The following SSH1 variants were observed in gnomAD, a reference collection of about 807,000 sequenced individuals.
SSH1 encodes slingshot protein phosphatase 1, also known as protein phosphatase Slingshot homolog 1.
SSH1 carries 43 observed loss-of-function variants against 79.7 expected under a neutral mutation model. The ratio of observed to expected loss-of-function variants is 0.54; its 90% confidence interval spans 0.42 to 0.70. SSH1 has a LOEUF of 0.70. Ranked by LOEUF, SSH1 falls within the 30% of genes least tolerant of loss-of-function variation. SSH1 has a pLI of 0.00. For synonymous variants in SSH1, 599 were observed against 538.3 expected, an observed-to-expected ratio of 1.11 and a Z score of -1.56; for missense variants, 1,206 against 1,358.8, an observed-to-expected ratio of 0.89 and a Z score of 1.77.
intron 12 of SSH1, among the ~76,000 whole-genome samples, chr12:108,800,565 A>C (rs2036947013): frequency 6.6e-6 from 1 of 152,138 alleles, no homozygotes; most frequent in Admixed American, 6.5e-5. Flanking sequence ...GAGAGGACCA[A>C]CCACTTTTCT....
chr12:108,816,148 C>T (rs1168738151), intron 5 of SSH1, among the ~76,000 whole-genome samples: 1 of 152,168 alleles, frequency 6.6e-6, no homozygotes, highest in African/African-American at 2.4e-5. Context: ...TCTCAACAGT[C>T]ACCCCCTCCT....
At chr12:108,840,782 C>T (rs1159751404) in intron 2 of SSH1, among the ~76,000 whole-genome samples, 2 of 152,318 alleles carry the variant, frequency 1.3e-5, no homozygotes, top group East Asian at 3.9e-4. Context: ...TATGGCTCTG[C>T]TCCTGGGGGC....
rs1326527106 is a variant in SSH1, at chr12:108,784,137, C to G, written c.*3851G>C. On this transcript the variant is annotated 3_prime_UTR_variant, in exon 15 of 15. Transcript: ENST00000326495. Reference sequence around the variant, plus strand: ...ATAGGATCTTGACTAAATTATGTAGCATTTGTTCCCACTAGAGAGAAAAGG... The same window carrying G: ...ATAGGATCTTGACTAAATTATGTAGGATTTGTTCCCACTAGAGAGAAAAGG... 2.0e-5 allele frequency: 3 copies of G among 152,208 alleles called. No homozygotes were observed. Among genetic ancestry groups the G allele is most frequent in the Admixed American group, 2.0e-4 (3 of 15,286 alleles). The allele number at this position is 152,208 out of a possible 1,614,324, so 9.4% of individuals were successfully genotyped here. A position where few individuals can be genotyped will look rare whatever the true frequency, so the allele number is the denominator to read the frequency against.
chr12:108,802,676 C>T (rs976516410), intron 10 of SSH1, among the ~76,000 whole-genome samples: 5 of 151,874 alleles, frequency 3.3e-5, no homozygotes, highest in Non-Finnish European at 7.4e-5. Context: ...TCCTAAGAGT[C>T]CAGTGGGGGG....
chr12:108,846,739 A>G (rs1370811701), intron 2 of SSH1, among the ~76,000 whole-genome samples: 3 of 152,206 alleles, frequency 2.0e-5, no homozygotes, highest in Non-Finnish European at 4.4e-5. Flanking sequence ...CTTCAAGTCA[A>G]AGGGCATCCA....
intron 2 of SSH1, among the ~76,000 whole-genome samples, chr12:108,828,064 A>G (rs943903331): frequency 6.6e-6 from 1 of 152,170 alleles, no homozygotes; most frequent in Non-Finnish European, 1.5e-5. Flanking sequence ...CGTTTCTTTC[A>G]GTGAGAGAAA....
intron 2 of SSH1, among the ~76,000 whole-genome samples, chr12:108,840,903 AC>A (rs2038760913): frequency 6.6e-6 from 1 of 152,190 alleles, no homozygotes; most frequent in African/African-American, 2.4e-5. Flanking sequence ...CATAGCCCTG[AC>A]CCAGCTAGAC....
rs79776376 is a variant in SSH1 at position 108,804,975 on chromosome 12, C to T, written c.954+81G>A. 414 of 1,564,058 alleles carry T rather than the reference C, an allele frequency of 2.6e-4. 2 individuals carry two copies. The East Asian group carries it at 8.3e-3, about 31-fold the overall frequency. ...CAAGTTTTTTGCCTGCTTTTTCTCCCGGACTTGCTACAAACTCTTAAACAA... is the reference window on the plus strand; with the variant it reads ...CAAGTTTTTTGCCTGCTTTTTCTCCTGGACTTGCTACAAACTCTTAAACAA... On this transcript the variant is annotated intron_variant, in intron 10 of 14. Transcript: ENST00000326495.
At chr12:108,815,846 C>T (rs753236499) in intron 5 of SSH1, among the ~76,000 whole-genome samples, 1 of 152,176 alleles carries the variant, frequency 6.6e-6, no homozygotes, top group Non-Finnish European at 1.5e-5. Flanking sequence ...GGGGTGGGGG[C>T]CATGTCATAA....
At chr12:108,843,016 A>G (rs1307558732) in intron 2 of SSH1, among the ~76,000 whole-genome samples, 2 of 152,118 alleles carry the variant, frequency 1.3e-5, no homozygotes, top group Non-Finnish European at 2.9e-5. Context: ...GGCACTTACC[A>G]ACACACGATT....
chr12:108,817,809 T>A (rs1043725028), intron 4 of SSH1, among the ~76,000 whole-genome samples: 1 of 152,264 alleles, frequency 6.6e-6, no homozygotes, highest in African/African-American at 2.4e-5. Context: ...TCAACCTGGC[T>A]TTGGCTTTAG....
intron 7 of SSH1, 81 bp downstream of exon 7, chr12:108,809,612 T>C: frequency 2.5e-6 from 3 of 1,204,440 alleles, no homozygotes; most frequent in South Asian, 2.4e-5. Context: ...ACGAGCTTCT[T>C]GGTAGAAGGG....
intron 2 of SSH1, among the ~76,000 whole-genome samples, chr12:108,833,462 G>A (rs569170098): frequency 1.3e-5 from 2 of 152,274 alleles, no homozygotes; most frequent in South Asian, 2.1e-4. Flanking sequence ...AGATTATCCC[G>A]ACTGTCCCAG....
chr12:108,819,982 G>A (rs958585199), intron 3 of SSH1, among the ~76,000 whole-genome samples: 4 of 152,160 alleles, frequency 2.6e-5, no homozygotes, highest in Non-Finnish European at 5.9e-5. Context: ...GAGAGGAATT[G>A]GGTCATTAGA....
At chr12:108,809,205 T>C (rs1379432287) in intron 7 of SSH1, among the ~76,000 whole-genome samples, 6 of 131,574 alleles carry the variant, frequency 4.6e-5, no homozygotes, top group Admixed American at 2.2e-4. Flanking sequence ...TCCCAGCACT[T>C]TGGGAGGAGG....
At chr12:108,805,574 C>T (rs1320270277) in intron 9 of SSH1, among the ~76,000 whole-genome samples, 1 of 151,772 alleles carries the variant, frequency 6.6e-6, no homozygotes, top group Non-Finnish European at 1.5e-5. Context: ...AATTAAAAGA[C>T]AGGGCTGGAT....
intron 12 of SSH1, 87 bp from the exon 13 acceptor site, chr12:108,799,287 A>C (rs1223189222): frequency 5.3e-6 from 6 of 1,128,036 alleles, no homozygotes; most frequent in Non-Finnish European, 7.6e-6. Flanking sequence ...TCATTCTCTC[A>C]GGTTTTACCC....
intron 5 of SSH1, among the ~76,000 whole-genome samples, chr12:108,813,713 TA>T (rs781541091): frequency 0.27 from 4,251 of 15,920 alleles, 407 homozygotes; most frequent in African/African-American, 0.46. Context: ...GTCTCCAAAT[TA>T]AAAAAAAAAA....
intron 3 of SSH1, among the ~76,000 whole-genome samples, chr12:108,820,806 G>GTT (rs539342185): frequency 1.3e-5 from 2 of 152,194 alleles, no homozygotes; most frequent in Non-Finnish European, 2.9e-5. Flanking sequence ...AGGAACTAAC[G>GTT]TAAGTCTAGT....
Sources: allele counts gnomAD v4.1 joint callset (sites outside exome capture counted in the v4.1 genomes callset), GRCh38; gene constraint gnomAD v4.1.1; transcripts MANE v1.5; gene names NCBI Gene and HGNC (gene_info 2026-07-23, HGNC 2026-07-21).